The following CTDSPL2 variants were observed in gnomAD, a reference collection of about 807,000 sequenced individuals.
The protein encoded by CTDSPL2 is CTD small phosphatase-like protein 2.
Under a neutral mutation model 60.0 loss-of-function variants are expected in CTDSPL2, and 5 were observed. The observed-to-expected ratio is 0.08, with a 90% confidence interval of 0.04 to 0.18. CTDSPL2 has a LOEUF of 0.18. Among genes scored for constraint, CTDSPL2 ranks in the 10% least tolerant of loss-of-function variants. CTDSPL2 has a pLI of 1.00. For synonymous variants in CTDSPL2, 186 were observed against 189.3 expected, an observed-to-expected ratio of 0.98 and a Z score of 0.14; for missense variants, 370 against 548.8, an observed-to-expected ratio of 0.67 and a Z score of 3.26.
intron 2 of CTDSPL2, among the ~76,000 whole-genome samples, chr15:44,479,597 T>G (rs2080988512): frequency 6.6e-6 from 1 of 151,856 alleles, no homozygotes; most frequent in Admixed American, 6.6e-5. Context: ...TGTGTAGAAA[T>G]GGGATCTTGC....
At chr15:44,434,462 C>T (rs1243024758) in intron 1 of CTDSPL2, among the ~76,000 whole-genome samples, 3 of 152,210 alleles carry the variant, frequency 2.0e-5, no homozygotes, top group African/African-American at 7.2e-5. Context: ...GGCACAGTCA[C>T]AGTTTACTGC....
At chr15:44,497,342 C>T (rs948197791) in intron 7 of CTDSPL2, among the ~76,000 whole-genome samples, 1 of 152,104 alleles carries the variant, frequency 6.6e-6, no homozygotes, top group Non-Finnish European at 1.5e-5. Flanking sequence ...TACCAATACA[C>T]TTTTTATTAA....
chr15:44,508,985 TA>T (rs1172280512), intron 8 of CTDSPL2, among the ~76,000 whole-genome samples: 1 of 152,192 alleles, frequency 6.6e-6, no homozygotes, highest in East Asian at 1.9e-4. Context: ...ATGTTTTTCC[TA>T]AAAAGACTCA....
At chr15:44,429,222 T>C (rs2079807162) in intron 1 of CTDSPL2, among the ~76,000 whole-genome samples, 1 of 152,192 alleles carries the variant, frequency 6.6e-6, no homozygotes, top group South Asian at 2.1e-4. Flanking sequence ...AGGCAAAAGG[T>C]AGCTCTTATG....
intron 2 of CTDSPL2, among the ~76,000 whole-genome samples, chr15:44,480,266 C>T (rs994032364): frequency 6.6e-6 from 1 of 152,150 alleles, no homozygotes; most frequent in Non-Finnish European, 1.5e-5. Context: ...ATTGGCCTGC[C>T]GTGGTTTCCA....
intron 1 of CTDSPL2, among the ~76,000 whole-genome samples, chr15:44,455,213 T>G (rs2080409651): frequency 6.6e-6 from 1 of 152,224 alleles, no homozygotes; most frequent in African/African-American, 2.4e-5. Context: ...ACTCATGATT[T>G]GGCTCTCTGT....
At position 44,514,453 on chromosome 15, in the gene CTDSPL2, G is replaced by A. The variant is rs75777960; in HGVS notation, c.970-145G>A. 4.6e-4 allele frequency: 283 copies of A among 609,706 alleles called. 3 individuals are homozygous for A. The African/African-American group carries it at 4.9e-3, about 11-fold the overall frequency. 37.8% of individuals were successfully genotyped at this position (609,706 alleles called of 1,614,324 possible). A position where few individuals can be genotyped will look rare whatever the true frequency, so the allele number is the denominator to read the frequency against. On this transcript the variant is annotated intron_variant, in intron 8 of 12. Coordinates refer to ENST00000260327, the MANE Select transcript of CTDSPL2 (RefSeq NM_016396.3). ...ATCGCTTGTATGTGAAATATACTTG[G>A]TTTGAGTGGTACTTAGTTAATATTT...
intron 2 of CTDSPL2, among the ~76,000 whole-genome samples, chr15:44,462,917 C>G (rs2080604376): frequency 6.6e-6 from 1 of 151,934 alleles, no homozygotes; most frequent in African/African-American, 2.4e-5. Context: ...GTTGCCCAGG[C>G]TGGTCTTGAA....
chr15:44,480,900 A>G (rs148875546), intron 2 of CTDSPL2, among the ~76,000 whole-genome samples: 1 of 152,330 alleles, frequency 6.6e-6, no homozygotes, highest in African/African-American at 2.4e-5. Context: ...TTAGTGAAAC[A>G]GCTTATATAG....
intron 1 of CTDSPL2, among the ~76,000 whole-genome samples, chr15:44,456,083 C>T: frequency 6.6e-6 from 1 of 151,836 alleles, no homozygotes; most frequent in Non-Finnish European, 1.5e-5. Flanking sequence ...ATCTCCTGAC[C>T]TCGTGATCCA....
chr15:44,471,820 A>C (rs563776490), intron 2 of CTDSPL2, among the ~76,000 whole-genome samples: 15 of 151,972 alleles, frequency 9.9e-5, no homozygotes, highest in Non-Finnish European at 2.2e-4. Context: ...TCCTGTCTCT[A>C]TGGATTTTGC....
intron 2 of CTDSPL2, chr15:44,470,611 C>G (rs1451281830): frequency 7.8e-6 from 1 of 128,944 alleles, no homozygotes; most frequent in Non-Finnish European, 1.8e-5. Flanking sequence ...CCACTCCCAG[C>G]TAATTTTTAT....
chr15:44,455,354 T>C (rs1406864620), intron 1 of CTDSPL2, among the ~76,000 whole-genome samples: 1 of 152,226 alleles, frequency 6.6e-6, no homozygotes, highest in Non-Finnish European at 1.5e-5. Flanking sequence ...TATACAATCA[T>C]GTCATCTGCA....
intron 1 of CTDSPL2, among the ~76,000 whole-genome samples, chr15:44,457,338 TTA>T (rs1466793028): frequency 2.0e-5 from 3 of 152,222 alleles, no homozygotes; most frequent in African/African-American, 7.2e-5. Flanking sequence ...GCCTCCACTT[TTA>T]TATCAGCACC....
chr15:44,501,172 T>TTTTTTGC (rs1327976678), intron 8 of CTDSPL2, among the ~76,000 whole-genome samples: 9 of 152,086 alleles, frequency 5.9e-5, no homozygotes, highest in Non-Finnish European at 8.8e-5. Context: ...TTTTTCTTTG[T>TTTTTTGC]TTTTTGCTTT....
chr15:44,433,459 TACACACAC>T (rs56657073), intron 1 of CTDSPL2, among the ~76,000 whole-genome samples: 85 of 147,796 alleles, frequency 5.8e-4, no homozygotes, highest in African/African-American at 1.5e-3. Flanking sequence ...TACATATATA[TACACACAC>T]ACACACACAC....
At position 44,442,891 on chromosome 15, in the gene CTDSPL2, G is replaced by A. The variant is rs368690331; in HGVS notation, c.-25+15119G>A. 5.3e-5 allele frequency among the ~76,000 whole-genome samples: 8 copies of A among 152,030 alleles called. No individual in the cohort carries two copies. The East Asian group carries it at 1.2e-3, about 22-fold the overall frequency. On this transcript the variant is annotated intron_variant, in intron 1 of 12. Coordinates refer to ENST00000260327, the MANE Select transcript of CTDSPL2 (RefSeq NM_016396.3). Reference sequence around the variant, plus strand: ...CTCTGTAGGCTGAGGTGCGAAGATCGCTTGAGCCTGGGACGTTGAGGCTGC... The same window carrying A: ...CTCTGTAGGCTGAGGTGCGAAGATCACTTGAGCCTGGGACGTTGAGGCTGC...
At chr15:44,511,282 T>G (rs1237517773) in intron 8 of CTDSPL2, among the ~76,000 whole-genome samples, 3 of 152,246 alleles carry the variant, frequency 2.0e-5, no homozygotes, top group Non-Finnish European at 4.4e-5. Context: ...TTGAAAGCAA[T>G]GTCAAATTTT....
intron 4 of CTDSPL2, among the ~76,000 whole-genome samples, chr15:44,489,044 A>G (rs1825784856): frequency 6.6e-6 from 1 of 152,046 alleles, no homozygotes; most frequent in African/African-American, 2.4e-5. Flanking sequence ...GAAGGTTTAC[A>G]TTGATATTTT....
Sources: allele counts gnomAD v4.1 joint callset (sites outside exome capture counted in the v4.1 genomes callset), GRCh38; gene constraint gnomAD v4.1.1; transcripts MANE v1.5; gene names NCBI Gene and HGNC (gene_info 2026-07-23, HGNC 2026-07-21).